Variants in CSMD2 observed in about 807,000 individuals in gnomAD.
The protein encoded by CSMD2 is CUB and sushi domain-containing protein 2.
A neutral mutation model predicts 398.5 loss-of-function variants in CSMD2; 130 were observed. The ratio of observed to expected loss-of-function variants is 0.33; its 90% CI spans 0.28 to 0.38. The LOEUF (loss-of-function observed/expected upper bound fraction) is 0.38, where lower values mean the gene tolerates loss of function less well. CSMD2 is among the 10% of genes least tolerant of loss of function. CSMD2 has a pLI of 1.00. For synonymous variants in CSMD2, 1,828 were observed against 1,908.5 expected (o/e 0.96, Z 1.10); for missense variants, 3,829 against 4,764.9 (o/e 0.80, Z 5.78).
At chr1:34,041,413 C>T (rs910488334) in intron 2 of CSMD2, among the ~76,000 whole-genome samples, 1 of 152,202 alleles carries the variant, frequency 6.6e-6, no homozygotes, top group Admixed American at 6.5e-5. Context: ...AATTCTTCCC[C>T]TTTATGCATG....
chr1:33,968,427 G>C (rs1426291457), intron 3 of CSMD2, among the ~76,000 whole-genome samples: 2 of 152,144 alleles, frequency 1.3e-5, no homozygotes, highest in African/African-American at 4.8e-5. Context: ...CTCACCAACA[G>C]AACATGAAAA....
At chr1:34,028,462 G>A (rs1483171645) in intron 3 of CSMD2, among the ~76,000 whole-genome samples, 1 of 152,152 alleles carries the variant, frequency 6.6e-6, no homozygotes, top group Non-Finnish European at 1.5e-5. Context: ...GAGAAGCTCA[G>A]GAACACATCT....
chr1:33,571,708 A>G lies in CSMD2; in HGVS notation c.7781T>C (p.Val2594Ala). ...GCCATGCTCCACGCTGATGCTACTGACATCAGGACAAGTCACAGCTGGGGA... is the reference window on the plus strand; with the variant it reads ...GCCATGCTCCACGCTGATGCTACTGGCATCAGGACAAGTCACAGCTGGGGA... ...PQCVPVTCPDVSSISVEHGRW... is the reference protein window; with the variant it reads ...PQCVPVTCPDASSISVEHGRW... Residue 2594 changes from valine (V) to alanine (A), a missense_variant, in exon 51 of 71, where the codon GTC (valine) becomes GCC (alanine). Physicochemically the swap from Val to Ala is moderately conservative, Grantham distance 64. This residue lies in a region of CSMD2 where 723 missense variants were observed against 758.6 expected (regional missense o/e 0.95). Coordinates refer to ENST00000373381, the MANE Select transcript of CSMD2 (RefSeq NM_001281956.2). The G allele has an allele frequency of 6.6e-7, 1 of 1,510,856 alleles. No homozygotes were observed. Among genetic ancestry groups the G allele is most frequent in the Non-Finnish European group, 9.0e-7 (1 of 1,115,166 alleles). The allele number at this position is 1,510,856 out of a possible 1,614,324, so 93.6% of individuals were successfully genotyped here.
intron 64 of CSMD2, 82 bp downstream of exon 64, chr1:33,532,968 T>C: frequency 1.6e-6 from 2 of 1,284,200 alleles, no homozygotes; most frequent in South Asian, 3.0e-5. Flanking sequence ...TCCTTCCTTC[T>C]CTTTTGCCCT....
At chr1:33,684,642 T>G (rs1645008300) in intron 25 of CSMD2, among the ~76,000 whole-genome samples, 2 of 152,234 alleles carry the variant, frequency 1.3e-5, no homozygotes, top group Non-Finnish European at 2.9e-5. Context: ...GAAGTCCTCA[T>G]ATCCCCCCTA....
At chr1:33,993,059 A>G (rs1336531414) in intron 3 of CSMD2, among the ~76,000 whole-genome samples, 2 of 152,144 alleles carry the variant, frequency 1.3e-5, no homozygotes, top group Non-Finnish European at 2.9e-5. Context: ...CTGCATATGT[A>G]TATGTGTATT....
At chr1:33,980,983 G>A (rs377514239) in intron 3 of CSMD2, among the ~76,000 whole-genome samples, 32 of 152,292 alleles carry the variant, frequency 2.1e-4, no homozygotes, top group African/African-American at 7.2e-4. Flanking sequence ...TGGAGCATGG[G>A]AGGGGAGGGA....
chr1:33,904,649 GTTT>G (rs59906840), intron 5 of CSMD2, among the ~76,000 whole-genome samples: 3 of 151,462 alleles, frequency 2.0e-5, no homozygotes, highest in Non-Finnish European at 4.4e-5. Context: ...GGAATGATAG[GTTT>G]TTTTGTTTGT....
intron 2 of CSMD2, among the ~76,000 whole-genome samples, chr1:34,066,150 T>G (rs551347204): frequency 6.6e-6 from 1 of 152,328 alleles, no homozygotes; most frequent in South Asian, 2.1e-4. Context: ...GATGTAGCAT[T>G]TCAAGCTGAG....
chr1:33,843,476 G>C (rs1360863346), intron 6 of CSMD2, among the ~76,000 whole-genome samples: 3 of 152,204 alleles, frequency 2.0e-5, no homozygotes, highest in African/African-American at 7.2e-5. Context: ...TAGCTCTGAA[G>C]TGCCATAAAT....
chr1:33,589,527 A>G (rs1375114921), intron 44 of CSMD2, among the ~76,000 whole-genome samples: 1 of 152,204 alleles, frequency 6.6e-6, no homozygotes, highest in Non-Finnish European at 1.5e-5. Context: ...TAGGCTAAGC[A>G]TTTTTCACGT....
intron 3 of CSMD2, among the ~76,000 whole-genome samples, chr1:33,953,174 T>C (rs1294561096): frequency 6.6e-6 from 1 of 152,216 alleles, no homozygotes; most frequent in East Asian, 1.9e-4. Context: ...CTGCATGTTC[T>C]TCCTACATTG....
chr1:33,918,864 T>G (rs1643857533), intron 4 of CSMD2, among the ~76,000 whole-genome samples: 1 of 152,236 alleles, frequency 6.6e-6, no homozygotes, highest in Non-Finnish European at 1.5e-5. Context: ...TTTGCTTCTC[T>G]GTTGTGATAA....
intron 2 of CSMD2, among the ~76,000 whole-genome samples, chr1:34,077,332 C>T (rs1386694754): frequency 6.7e-6 from 1 of 150,338 alleles, no homozygotes; most frequent in African/African-American, 2.5e-5. Flanking sequence ...TGGCGGGCGC[C>T]TGTAGTCCCA....
At chr1:33,781,201 G>A (rs1294478957) in intron 12 of CSMD2, among the ~76,000 whole-genome samples, 1 of 152,184 alleles carries the variant, frequency 6.6e-6, no homozygotes, top group Non-Finnish European at 1.5e-5. Flanking sequence ...AATCTTATCT[G>A]CATGTCAGCT....
At chr1:33,884,037 C>G (rs1025034540) in intron 5 of CSMD2, among the ~76,000 whole-genome samples, 1 of 152,238 alleles carries the variant, frequency 6.6e-6, no homozygotes, top group Non-Finnish European at 1.5e-5. Flanking sequence ...AGCAGACACA[C>G]AGTGGACACA....
chr1:34,147,685 C>A (rs1639910228), intron 1 of CSMD2, among the ~76,000 whole-genome samples: 1 of 150,312 alleles, frequency 6.7e-6, no homozygotes, highest in South Asian at 2.1e-4. Context: ...ATTATTAAGA[C>A]ACAAAGAAAG....
At chr1:34,093,254 C>T (rs1225745690) in intron 1 of CSMD2, among the ~76,000 whole-genome samples, 2 of 152,220 alleles carry the variant, frequency 1.3e-5, no homozygotes, top group African/African-American at 4.8e-5. Flanking sequence ...AAAAACCCAT[C>T]TGTACATCGC....
intron 25 of CSMD2, among the ~76,000 whole-genome samples, chr1:33,673,902 GCAAATGCTGAGAGATTTTGT>G (rs1292155309): frequency 1.3e-5 from 2 of 152,176 alleles, no homozygotes; most frequent in Non-Finnish European, 2.9e-5. Flanking sequence ...TTACAGACAA[GCAAATGCTGAGAGATTTTGT>G]CACCACCAGG....
Sources: gnomAD v4.1 joint callset for allele counts (sites outside exome capture counted in the v4.1 genomes callset) on GRCh38, gnomAD v4.1.1 for gene constraint, gnomAD v4.1.1 regional missense constraint, MANE v1.5 for transcripts, NCBI Gene and HGNC (gene_info 2026-07-23, HGNC 2026-07-21) for gene names.